SLC16A6: variants seen among roughly 807,000 people sequenced by gnomAD.
SLC16A6 encodes the protein monocarboxylate transporter 7.
SLC16A6 carries 15 observed loss-of-function variants against 33.8 expected under a neutral mutation model. That is an observed-to-expected ratio of 0.44 (90% CI 0.30 to 0.68). The LOEUF is 0.68. Among genes scored for constraint, SLC16A6 ranks in the 30% least tolerant of loss-of-function variants. The pLI, the probability that SLC16A6 is intolerant of heterozygous loss-of-function variation, is 0.10. For missense variants in SLC16A6, 451 were observed against 661.5 expected (o/e 0.68, Z 3.49); for synonymous variants, 219 against 248.4 (o/e 0.88, Z 1.11).
Position 68,269,068 on chromosome 17 carries a change from A to G in SLC16A6, c.*28T>C. ...CCCACCCCATCCCTCTCCAGCCAAC[A>G]CAGTGGCTGTTGTTGTAAGAAAGTG... On this transcript the variant is annotated 3_prime_UTR_variant, in exon 6 of 6. Transcript: ENST00000580666. The G allele has an allele frequency of 1.3e-6, 2 of 1,580,880 alleles. No homozygotes were observed. The highest frequency in any genetic ancestry group is 1.7e-6 in the Non-Finnish European group (2 of 1,163,724).
intron 2 of SLC16A6, among the ~76,000 whole-genome samples, chr17:68,276,390 C>G (rs2075521868): frequency 1.3e-5 from 2 of 152,124 alleles, no homozygotes; most frequent in Admixed American, 1.3e-4. Context: ...GATAACAGTT[C>G]CATGACAGTG....
In SLC16A6 at chr17:68,271,990, A is replaced by G. The variant is rs2075356765; in HGVS notation, c.506-336T>C. Among the ~76,000 whole-genome samples, 1 of 152,038 alleles carries G rather than the reference A, an allele frequency of 6.6e-6. No individual in the cohort carries two copies. The highest frequency in any genetic ancestry group is 2.1e-4 in the South Asian group (1 of 4,830). On this transcript the variant is annotated intron_variant, in intron 4 of 5. Coordinates refer to ENST00000580666, the MANE Select transcript of SLC16A6 (RefSeq NM_004694.5). This position sits in a 1 kb window ranked among gnomAD's most constrained non-coding sequence, Gnocchi z 5.3. ...GCCAATTTTTGTATTTTTAGTAGAGACAGGGTTTCACTGTGTTGGCCAGGA... is the reference window on the plus strand; with the variant it reads ...GCCAATTTTTGTATTTTTAGTAGAGGCAGGGTTTCACTGTGTTGGCCAGGA...
At chr17:68,279,229 C>T (rs976239671) in intron 1 of SLC16A6, among the ~76,000 whole-genome samples, 1 of 151,986 alleles carries the variant, frequency 6.6e-6, no homozygotes. Flanking sequence ...CAAACATTGG[C>T]GGTGCATCCA....
chr17:68,282,779 T>TAAAAAAAAAAAAA lies in SLC16A6; in HGVS notation c.-7-4465_-7-4453dup, dbSNP rs36155626. ...CAACATAGTGAAACCCCATCTCTAC[T>TAAAAAAAAAAAAA]AAAAAAAAAAAAAAAAAAAAAGGCC... On this transcript the variant is annotated intron_variant, in intron 1 of 5. Coordinates refer to ENST00000580666, the MANE Select transcript of SLC16A6 (RefSeq NM_004694.5). 1.3e-4 allele frequency among the ~76,000 whole-genome samples: 7 copies of TAAAAAAAAAAAAA among 53,400 alleles called. No homozygotes were observed. In the East Asian group the frequency reaches 1.6e-3, roughly 12 times the overall value. The allele number at this position is 53,400 out of a possible 152,430, so 35.0% of individuals were successfully genotyped here.
intron 1 of SLC16A6, among the ~76,000 whole-genome samples, chr17:68,283,511 A>G (rs2075765031): frequency 7.3e-6 from 1 of 136,260 alleles, no homozygotes; most frequent in Non-Finnish European, 1.6e-5. Flanking sequence ...ACAGAGTGAG[A>G]CTCCGTATCA....
intron 1 of SLC16A6, among the ~76,000 whole-genome samples, chr17:68,290,234 G>A (rs931172405): frequency 4.6e-5 from 7 of 152,276 alleles, no homozygotes; most frequent in Non-Finnish European, 5.9e-5. Context: ...TGGCTCCGGG[G>A]AGCTTTTTCT....
chr17:68,278,617 CTTTTTT>C (rs56870988), intron 1 of SLC16A6, among the ~76,000 whole-genome samples: 1 of 111,980 alleles, frequency 8.9e-6, no homozygotes, highest in East Asian at 2.4e-4. Context: ...TTTCTTTTTC[CTTTTTT>C]TTTTTTTTTT....
intron 1 of SLC16A6, among the ~76,000 whole-genome samples, chr17:68,279,447 G>A (rs1465606442): frequency 6.6e-6 from 1 of 152,130 alleles, no homozygotes; most frequent in Non-Finnish European, 1.5e-5. Context: ...TCTTCTGGGA[G>A]TTTGTTAAGC....
At chr17:68,286,230 T>C (rs2075839513) in intron 1 of SLC16A6, among the ~76,000 whole-genome samples, 1 of 152,182 alleles carries the variant, frequency 6.6e-6, no homozygotes, top group African/African-American at 2.4e-5. Flanking sequence ...CCCTTTCCTC[T>C]CTTCCCTTGC....
chr17:68,271,537 G>A lies in SLC16A6; in HGVS notation c.623C>T (p.Pro208Leu). Residue 208 changes from proline to leucine, a missense_variant, in exon 5 of 6, where the codon CCA becomes CTA. Physicochemically the swap from Pro to Leu is moderately conservative, Grantham distance 98. This residue lies in a region of SLC16A6 where 405 missense variants were observed against 510.7 expected (regional missense o/e 0.79). Transcript: ENST00000580666. This position sits in a 1 kb window ranked among gnomAD's most constrained non-coding sequence, Gnocchi z 5.3. ...CTGGATGACTATTTTCGGTGACGCTGGTCCTCTGATAAAGATGGGTCTGAG... is the reference window on the plus strand; with the variant it reads ...CTGGATGACTATTTTCGGTGACGCTAGTCCTCTGATAAAGATGGGTCTGAG... ...ALLRPIFIRG[P>L]ASPKIVIQEN... 1 of 1,614,158 alleles carries A rather than the reference G, an allele frequency of 6.2e-7. No homozygotes were observed. The highest frequency in any genetic ancestry group is 1.3e-5 in the African/African-American group (1 of 75,050).
intron 3 of SLC16A6, 86 bp downstream of exon 3, chr17:68,273,841 T>A: frequency 6.9e-7 from 1 of 1,455,476 alleles, no homozygotes; most frequent in South Asian, 1.2e-5. Flanking sequence ...GAAAGAAATA[T>A]AGTTTGGCTT....
rs2075180573 is a variant in SLC16A6, at chr17:68,267,035, A to T, written c.*2061T>A. 6.6e-6 allele frequency: 1 copy of T among 152,220 alleles called. No homozygotes were observed. The highest frequency in any genetic ancestry group is 6.5e-5 in the Admixed American group (1 of 15,278). 9.4% of individuals were successfully genotyped at this position (152,220 alleles called of 1,614,324 possible). ...CTTAGAAGAGAATCGGTCTCTTTAA[A>T]TAAAAAATCCATAAATTTATTGCAA... On this transcript the variant is annotated 3_prime_UTR_variant, in exon 6 of 6. Transcript: ENST00000580666.
rs1163902373 is a variant in SLC16A6, at chr17:68,267,897, T to A, written c.*1199A>T. 1 of 152,228 alleles carries A rather than the reference T, an allele frequency of 6.6e-6. No individual in the cohort carries two copies. The highest frequency in any genetic ancestry group is 2.4e-5 in the African/African-American group (1 of 41,468). 9.4% of individuals were successfully genotyped at this position (152,228 alleles called of 1,614,324 possible). On this transcript the variant is annotated 3_prime_UTR_variant, in exon 6 of 6. Transcript: ENST00000580666. ...AACATAATTGTCTCTGTTACCCCCA[T>A]GTGAAATACAGAAATGCTTCAATAA...
In SLC16A6 at chr17:68,269,358, C is replaced by G. The variant is rs377338265; in HGVS notation, c.1322-12G>C. On this transcript the variant is annotated splice_polypyrimidine_tract_variant and intron_variant, in intron 5 of 5. Transcript: ENST00000580666. ...GTCCACCAACAAACCTGGAAGAGAG[C>G]ATGGCGTCCGTTAACAGCATCCTTC... 2.0e-5 allele frequency: 22 copies of G among 1,100,966 alleles called. No individual in the cohort carries two copies. In the African/African-American group the frequency reaches 2.8e-4, roughly 14 times the overall value. The allele number at this position is 1,100,966 out of a possible 1,614,324, so 68.2% of individuals were successfully genotyped here.
At chr17:68,287,989 TC>T (rs1437345626) in intron 1 of SLC16A6, among the ~76,000 whole-genome samples, 3 of 149,978 alleles carry the variant, frequency 2.0e-5, no homozygotes, top group African/African-American at 7.3e-5. Context: ...CTCCCTCCTT[TC>T]TTTTTTTTTT....
chr17:68,274,597 T>A (rs1164742783), intron 2 of SLC16A6: 1 of 152,322 alleles, frequency 6.6e-6, no homozygotes, highest in Non-Finnish European at 1.5e-5. Context: ...TATAAAACTT[T>A]TATCTATATT....
intron 1 of SLC16A6, among the ~76,000 whole-genome samples, chr17:68,282,393 C>A (rs1455076460): frequency 1.3e-5 from 2 of 151,798 alleles, no homozygotes; most frequent in African/African-American, 4.8e-5. Context: ...AGGAGATATA[C>A]CTAATGTTAA....
chr17:68,280,425 C>G (rs1343030763), intron 1 of SLC16A6, among the ~76,000 whole-genome samples: 1 of 152,120 alleles, frequency 6.6e-6, no homozygotes, highest in African/African-American at 2.4e-5. Flanking sequence ...CAGCATGGTA[C>G]TGGCATAAAA....
At chr17:68,272,180 C>T (rs782797523) in intron 4 of SLC16A6, among the ~76,000 whole-genome samples, 5 of 152,060 alleles carry the variant, frequency 3.3e-5, no homozygotes, top group East Asian at 1.9e-4. Context: ...TCAGGTGATC[C>T]GCCCACCTCA....
Sources: gnomAD v4.1 joint callset for allele counts (sites outside exome capture counted in the v4.1 genomes callset) on GRCh38, gnomAD v4.1.1 for gene constraint, gnomAD v4.1.1 regional missense constraint, Gnocchi (gnomAD v3.1) non-coding constraint, MANE v1.5 for transcripts, NCBI Gene and HGNC (gene_info 2026-07-23, HGNC 2026-07-21) for gene names.